Variants in KRT85 observed in about 807,000 individuals in gnomAD.
KRT85 encodes the protein keratin, type II cuticular Hb5.
A neutral mutation model predicts 53.7 loss-of-function variants in KRT85; 39 were observed. The ratio of observed to expected loss-of-function variants is 0.73; its 90% confidence interval spans 0.56 to 0.95. The LOEUF (loss-of-function observed/expected upper bound fraction) is 0.95, where lower values mean the gene tolerates loss of function less well. Among genes scored for constraint, KRT85 ranks in the 40% least tolerant of loss-of-function variants. The pLI is 0.00. For missense variants in KRT85, 668 were observed against 686.0 expected, an observed-to-expected ratio of 0.97 and a Z score of 0.29; for synonymous variants, 291 against 277.5, an observed-to-expected ratio of 1.05 and a Z score of -0.48.
Position 52,363,050 on chromosome 12 carries a change from T to C in KRT85, c.952-71A>G, listed in dbSNP as rs375780859. The C allele has an allele frequency of 1.3e-4, 211 of 1,611,518 alleles. 1 individual carries two copies. The East Asian group carries it at 3.5e-3, about 27-fold the overall frequency. ...ATCCATTCAGGACACCACAGATGAC[T>C]ATACAGGTTGTACGGTGCTCAGCCT... On this transcript the variant is annotated intron_variant, in intron 5 of 8. Transcript: ENST00000257901.
At position 52,364,366 on chromosome 12, in the gene KRT85, C is replaced by G; in HGVS notation, c.630G>C (p.Lys210Asn). ...CTCTCAGGGCCACCTCCTCTTCATA[C>G]CTGGGTGTGGGAGAGAGAAGGTCTG... ...VQEVLEGYKKKYEEEVALRAT... is the reference protein window; with the variant it reads ...VQEVLEGYKKNYEEEVALRAT... Residue 210 changes from lysine to asparagine, a missense_variant and splice_region_variant, in exon 3 of 9, where the codon AAG (lysine) becomes AAC (asparagine). By Grantham distance (94) the Lys-to-Asn change is moderately conservative. Coordinates refer to ENST00000257901, the MANE Select transcript of KRT85 (RefSeq NM_002283.4). 6.2e-7 allele frequency: 1 copy of G among 1,614,186 alleles called. No homozygotes were observed. Among genetic ancestry groups the G allele is most frequent in the Non-Finnish European group, 8.5e-7 (1 of 1,180,046 alleles).
rs748492532 is a variant in KRT85 at position 52,365,195 on chromosome 12, G to A, written c.421-25C>T. On this transcript the variant is annotated intron_variant, in intron 1 of 8. Transcript: ENST00000257901. ...CCTGCCATTCAGGTGGAAAGAAGAA[G>A]TCAGAGGGAGCCTGGGGGGAGGCAC... 19 of 1,613,306 alleles carry A rather than the reference G, an allele frequency of 1.2e-5. No homozygotes were observed. The East Asian group carries it at 4.2e-4, about 36-fold the overall frequency.
At position 52,361,474 on chromosome 12, in the gene KRT85, C is replaced by G; in HGVS notation, c.1323G>C (p.Val441=). The change falls in exon 8 of 9, where the codon GTG becomes GTC. Residue 441 remains valine (V), a synonymous_variant. Coordinates refer to ENST00000257901, the MANE Select transcript of KRT85 (RefSeq NM_002283.4). ...TTTCAGGCAGATACTCACAGACATT[C>G]ACAGAGCCCACACCTTCACACAGCC... is the stretch of plus-strand genomic sequence containing the variant. ...EHRLCEGVGS[V]NVCVSSSRGG... 6.2e-7 allele frequency: 1 copy of G among 1,614,070 alleles called. No individual in the cohort carries two copies. The highest frequency in any genetic ancestry group is 8.5e-7 in the Non-Finnish European group (1 of 1,179,924).
At chr12:52,361,726 C>G (rs1347640203) in intron 7 of KRT85, among the ~76,000 whole-genome samples, 2 of 152,182 alleles carry the variant, frequency 1.3e-5, no homozygotes, top group African/African-American at 4.8e-5. Flanking sequence ...AACAGTGCCC[C>G]TAGTTTGAGT....
In KRT85 at chr12:52,360,983, C is replaced by T. The variant is rs370269453; in HGVS notation, c.1394G>A (p.Arg465His). The T allele has an allele frequency of 2.5e-5, 40 of 1,613,584 alleles. No homozygotes were observed. Among genetic ancestry groups the T allele is most frequent in the African/African-American group, 2.4e-4 (18 of 75,026 alleles). Residue 465 changes from arginine to histidine, a missense_variant, in exon 9 of 9, where the codon CGC becomes CAC. By Grantham distance (29) the Arg-to-His change is conservative. Transcript: ENST00000257901. ...GGCTGAGGGGCCAGAAGTGATCTGG[C>T]GCCCTGGGGTGGTGCTGTAGGAGAG... is the stretch of plus-strand genomic sequence containing the variant. ...GGLSYSTTPG[R>H]QITSGPSAIG...
chr12:52,365,205 G>A, intron 1 of KRT85, 35 bp from the exon 2 acceptor site: 2 of 1,609,804 alleles, frequency 1.2e-6, no homozygotes, highest in Non-Finnish European at 1.7e-6. Flanking sequence ...GTCAGAGGGA[G>A]CCTGGGGGGA....
At chr12:52,362,108 C>T (rs553635264) in intron 7 of KRT85, 143 bp downstream of exon 7, 3 of 1,056,508 alleles carry the variant, frequency 2.8e-6, no homozygotes, top group Non-Finnish European at 2.9e-6. Flanking sequence ...AGCACAGAAG[C>T]ATTCAGTTAT....
At chr12:52,366,901 C>T in intron 1 of KRT85, 85 bp downstream of exon 1, 1 of 1,609,524 alleles carries the variant, frequency 6.2e-7, no homozygotes, top group Admixed American at 1.7e-5. Context: ...AAACCGGCAG[C>T]CATCCTGTCT....
chr12:52,367,147 C>T lies in KRT85; in HGVS notation c.259G>A (p.Val87Met), dbSNP rs757505033. 25 of 1,613,534 alleles carry T rather than the reference C, an allele frequency of 1.5e-5. No individual in the cohort carries two copies. The Middle Eastern group carries it at 9.0e-4, about 58-fold the overall frequency. ...ATGCATGGGGGGCTGGGTCCGCACACGCCCCCGGAGCGGTAGCCGAAGCTG... is the reference window on the plus strand; with the variant it reads ...ATGCATGGGGGGCTGGGTCCGCACATGCCCCCGGAGCGGTAGCCGAAGCTG... The part of the protein sequence containing the change: ...GRSFGYRSGG[V>M]CGPSPPCITT... The change falls in exon 1 of 9, where the codon GTG becomes ATG. Residue 87 changes from valine to methionine, a missense_variant. Coordinates refer to ENST00000257901, the MANE Select transcript of KRT85 (RefSeq NM_002283.4).
Position 52,363,283 on chromosome 12 carries a change from C to A in KRT85, c.914G>T (p.Arg305Leu), listed in dbSNP as rs529513894. ...IKAQYDDVAS[R>L]SRAEAESWYR... ...CCAGGACTCAGCCTCGGCCCGGCTG[C>A]GGCTGGCAACATCGTCATACTGAGC... is the stretch of plus-strand genomic sequence containing the variant. Residue 305 changes from arginine to leucine, a missense_variant, in exon 5 of 9, where the codon CGC becomes CTC. Physicochemically the swap from Arg to Leu is moderately radical, Grantham distance 102. Around this residue, in one of 3 missense-constraint regions of KRT85, gnomAD observed 488 missense variants for 498.1 expected, o/e 0.98. Transcript: ENST00000257901. The A allele has an allele frequency of 1.2e-6, 2 of 1,614,182 alleles. No individual in the cohort carries two copies. The highest frequency in any genetic ancestry group is 1.1e-5 in the South Asian group (1 of 91,082).
rs778900611 is a variant in KRT85, at chr12:52,367,396, G to A, written c.10C>T (p.Arg4Cys). 38 of 1,613,938 alleles carry A rather than the reference G, an allele frequency of 2.4e-5. No individual in the cohort carries two copies. Among genetic ancestry groups the A allele is most frequent in the Middle Eastern group, 3.3e-4 (2 of 6,082 alleles). The change falls in exon 1 of 9, where the codon CGC becomes TGC. Residue 4 changes from arginine to cysteine, a missense_variant. This residue lies in a region of KRT85 where 158 missense variants were observed against 141.8 expected (regional missense o/e 1.11). Coordinates refer to ENST00000257901, the MANE Select transcript of KRT85 (RefSeq NM_002283.4). MSC[R>C]SYRISSGCGV... is the part of the protein sequence containing the mutation. ...CATCCTGAGCTGATCCTGTAGGAGC[G>A]GCACGACATCGTGTGAGGCTGAGCA...
intron 6 of KRT85, 59 bp from the exon 7 acceptor site, chr12:52,362,530 C>A: frequency 6.3e-7 from 1 of 1,596,250 alleles, no homozygotes. Context: ...TTGGCTCACC[C>A]AAGCTGATGG....
Position 52,362,902 on chromosome 12 carries a change from G to C in KRT85, c.1029C>G (p.Asn343Lys). The C allele has an allele frequency of 6.2e-7, 1 of 1,614,122 alleles. No homozygotes were observed. Among genetic ancestry groups the C allele is most frequent in the Non-Finnish European group, 8.5e-7 (1 of 1,180,036 alleles). The change falls in exon 6 of 9, where the codon AAC (asparagine) becomes AAG (lysine). Residue 343 changes from asparagine (N) to lysine (K), a missense_variant. Asn to Lys is a moderately conservative substitution (Grantham distance 94). Around this residue, in one of 3 missense-constraint regions of KRT85, gnomAD observed 488 missense variants for 498.1 expected, o/e 0.98. Transcript: ENST00000257901. The part of the protein sequence containing the change: ...RRTKEEINEL[N>K]RMIQRLTAEI... ...CGGCCGTCAGCCTCTGGATCATGCG[G>C]TTCAGCTCGTTGATCTCCTCCTTGG...
intron 3 of KRT85, 48 bp from the exon 4 acceptor site, chr12:52,364,211 A>C: frequency 6.2e-7 from 1 of 1,612,918 alleles, no homozygotes; most frequent in Non-Finnish European, 8.5e-7. Context: ...GAGGAGACCA[A>C]AGAAAGGTGC....
At chr12:52,366,801 C>G (rs1939278031) in intron 1 of KRT85, among the ~76,000 whole-genome samples, 185 bp downstream of exon 1, 2 of 152,186 alleles carry the variant, frequency 1.3e-5, no homozygotes, top group South Asian at 4.1e-4. Flanking sequence ...CTAGACCACA[C>G]CTGGACCTCG....
intron 1 of KRT85, among the ~76,000 whole-genome samples, chr12:52,365,957 C>G (rs779956538): frequency 6.6e-6 from 1 of 152,204 alleles, no homozygotes; most frequent in Non-Finnish European, 1.5e-5. Flanking sequence ...GGACTCAGAT[C>G]ACTAAAGAAA....
chr12:52,365,065 T>C lies in KRT85; in HGVS notation c.526A>G (p.Ile176Val). ...TCGGCCTCCCGCCGCAGAGTCTCGA[T>C]GTAGCCACTGAACAGTGGCTCCAGG... ...SNLEPLFSGYIETLRREAECV... is the reference protein window; with the variant it reads ...SNLEPLFSGYVETLRREAECV... Residue 176 changes from isoleucine to valine, a missense_variant, in exon 2 of 9, where the codon ATC (isoleucine) becomes GTC (valine). By Grantham distance (29) the Ile-to-Val change is conservative. Coordinates refer to ENST00000257901, the MANE Select transcript of KRT85 (RefSeq NM_002283.4). 6.2e-7 allele frequency: 1 copy of C among 1,613,936 alleles called. No homozygotes were observed. Among genetic ancestry groups the C allele is most frequent in the Non-Finnish European group, 8.5e-7 (1 of 1,180,054 alleles).
intron 1 of KRT85, 134 bp from the exon 2 acceptor site, chr12:52,365,304 C>G (rs994430405): frequency 1.1e-6 from 1 of 944,952 alleles, no homozygotes; most frequent in Non-Finnish European, 1.7e-6. Context: ...TCAAGGGGCC[C>G]ATTCCCAGGC....
chr12:52,364,838 T>G, intron 2 of KRT85, 124 bp downstream of exon 2: 1 of 1,558,326 alleles, frequency 6.4e-7, no homozygotes, highest in South Asian at 1.1e-5. Context: ...ACTGGATATC[T>G]GCTCTGGGTT....
Sources: gnomAD v4.1 joint callset for allele counts (sites outside exome capture counted in the v4.1 genomes callset) on GRCh38, gnomAD v4.1.1 for gene constraint, gnomAD v4.1.1 regional missense constraint, MANE v1.5 for transcripts, NCBI Gene and HGNC (gene_info 2026-07-23, HGNC 2026-07-21) for gene names.